PTCHD4: variants seen among roughly 807,000 people sequenced by gnomAD.
PTCHD4 encodes patched domain-containing protein 4.
Under a neutral mutation model 58.1 loss-of-function variants are expected in PTCHD4, and 33 were observed. The ratio of observed to expected loss-of-function variants is 0.57; its 90% CI spans 0.43 to 0.76. The LOEUF (loss-of-function observed/expected upper bound fraction) is 0.76. PTCHD4 is among the 30% of genes least tolerant of loss of function. The pLI is 0.00. For missense variants in PTCHD4, 1,058 were observed against 1,027.1 expected (o/e 1.03, Z -0.41); for synonymous variants, 478 against 409.6 (o/e 1.17, Z -2.02).
chr6:47,940,142 C>T (rs1766156414), intron 4 of PTCHD4, among the ~76,000 whole-genome samples: 1 of 152,098 alleles, frequency 6.6e-6, no homozygotes, highest in Admixed American at 6.5e-5. Context: ...GATTTAACCA[C>T]AGCCTTTTTG....
In PTCHD4 at chr6:47,912,011, T is replaced by A. The variant is rs73736300; in HGVS notation, c.899-32075A>T. 5.7e-3 allele frequency among the ~76,000 whole-genome samples: 871 copies of A among 151,826 alleles called. 9 individuals are homozygous for A. The highest frequency in any genetic ancestry group is 0.02 in the African/African-American group (839 of 41,416). On this transcript the variant is annotated intron_variant, in intron 4 of 4. Coordinates refer to ENST00000339488, the MANE Select transcript of PTCHD4 (RefSeq NM_001384253.1). ...ATTGGAAGAATGTGGCAACAAGGAG[T>A]CAAGTGACACAAGTGTTTCAAGTGG... is the stretch of plus-strand genomic sequence containing the variant.
chr6:47,923,444 A>G (rs1472605047), intron 4 of PTCHD4, among the ~76,000 whole-genome samples: 1 of 152,192 alleles, frequency 6.6e-6, no homozygotes, highest in East Asian at 1.9e-4. Flanking sequence ...TTGTTTTTCC[A>G]GAGTCCTTAC....
In PTCHD4 at chr6:47,878,241, T is replaced by C. The variant is rs1763899347; in HGVS notation, c.*62A>G. 1 of 1,459,464 alleles carries C rather than the reference T, an allele frequency of 6.9e-7. No individual in the cohort carries two copies. The highest frequency in any genetic ancestry group is 2.2e-5 in the Admixed American group (1 of 44,954). The allele number at this position is 1,459,464 out of a possible 1,614,324, so 90.4% of individuals were successfully genotyped here. On this transcript the variant is annotated 3_prime_UTR_variant, in exon 5 of 5. Coordinates refer to ENST00000339488, the MANE Select transcript of PTCHD4 (RefSeq NM_001384253.1). ...AGCCCAAGCAGCTGAGGTCTGAGCTTTACTTGCCCTGCATCATTGTGCAAT... is the reference window on the plus strand; with the variant it reads ...AGCCCAAGCAGCTGAGGTCTGAGCTCTACTTGCCCTGCATCATTGTGCAAT...
At chr6:48,029,472 T>A (rs1763362312) in intron 3 of PTCHD4, among the ~76,000 whole-genome samples, 1 of 152,068 alleles carries the variant, frequency 6.6e-6, no homozygotes, top group African/African-American at 2.4e-5. Flanking sequence ...CTGAAAGAAC[T>A]GATGAGGACA....
At chr6:48,100,134 G>T (rs544236167) in intron 1 of PTCHD4, among the ~76,000 whole-genome samples, 55 of 152,242 alleles carry the variant, frequency 3.6e-4, no homozygotes, top group African/African-American at 1.3e-3. Context: ...CATGGTAGGT[G>T]GATGTGAGTG....
In PTCHD4 at chr6:47,872,655, G is replaced by C. The variant is rs1328980; in HGVS notation, c.*5648C>G. Among the ~76,000 whole-genome samples the C allele has an allele frequency of 0.67, 100,885 of 151,356 alleles. 34,113 individuals are homozygous for C. Among genetic ancestry groups the C allele is most frequent in the East Asian group, 0.78 (3,994 of 5,112 alleles). ...AACTGGGGAAAAATAGTAGAAGCTG[G>C]CTTTCTATAATTTAAGATAGTGCAA... On this transcript the variant is annotated 3_prime_UTR_variant, in exon 5 of 5. Transcript: ENST00000339488.
chr6:48,106,493 T>C (rs1765727126), intron 1 of PTCHD4, among the ~76,000 whole-genome samples: 1 of 152,142 alleles, frequency 6.6e-6, no homozygotes, highest in Admixed American at 6.5e-5. Context: ...ACAGCCAATA[T>C]CATACTGAAT....
chr6:47,921,507 C>T (rs191879548), intron 4 of PTCHD4, among the ~76,000 whole-genome samples: 1 of 152,180 alleles, frequency 6.6e-6, no homozygotes, highest in Non-Finnish European at 1.5e-5. Context: ...TTCTCACTCT[C>T]TTTTGCAGCT....
At chr6:47,884,196 G>T (rs180902072) in intron 4 of PTCHD4, among the ~76,000 whole-genome samples, 1 of 152,072 alleles carries the variant, frequency 6.6e-6, no homozygotes, top group East Asian at 1.9e-4. Flanking sequence ...CAAAGAACTG[G>T]ATTGCTACCA....
At position 47,862,622 on chromosome 6, in the gene PTCHD4, T is replaced by C. The variant is rs1300383062; in HGVS notation, c.*15681A>G. On this transcript the variant is annotated 3_prime_UTR_variant, in exon 5 of 5. Transcript: ENST00000339488. ...TTGTACTGGGACAGAAGGGAAAAAT[T>C]AGTTCTGTGTTATTTTAATTGAAAT... Among the ~76,000 whole-genome samples, 1 of 151,870 alleles carries C rather than the reference T, an allele frequency of 6.6e-6. No individual in the cohort carries two copies. Among genetic ancestry groups the C allele is most frequent in the African/African-American group, 2.4e-5 (1 of 41,430 alleles).
intron 4 of PTCHD4, among the ~76,000 whole-genome samples, chr6:47,965,094 T>C (rs1467154938): frequency 6.6e-6 from 1 of 152,216 alleles, no homozygotes; most frequent in Non-Finnish European, 1.5e-5. Context: ...ATTTACTCTT[T>C]ATTTTTCCTC....
chr6:47,913,431 C>A (rs1765130189), intron 4 of PTCHD4, among the ~76,000 whole-genome samples: 1 of 151,956 alleles, frequency 6.6e-6, no homozygotes, highest in South Asian at 2.1e-4. Context: ...GAAACTGAAG[C>A]AATGTGTTTC....
intron 4 of PTCHD4, among the ~76,000 whole-genome samples, chr6:47,906,669 G>A (rs965984402): frequency 6.6e-6 from 1 of 152,116 alleles, no homozygotes; most frequent in Admixed American, 6.6e-5. Flanking sequence ...CTTCTACCCA[G>A]GATAAAATCT....
rs397757238 is a variant in PTCHD4, at chr6:47,862,249, T to TA, written c.*16053dup. 6.6e-6 allele frequency among the ~76,000 whole-genome samples: 1 copy of TA among 151,350 alleles called. No individual in the cohort carries two copies. Among genetic ancestry groups the TA allele is most frequent in the African/African-American group, 2.4e-5 (1 of 41,256 alleles). ...TTTTGTTGCATTATGGCTTTTTTTT[T>TA]AATATCTTGGGTCTGGCGTATATCA... is the stretch of plus-strand genomic sequence containing the variant. On this transcript the variant is annotated 3_prime_UTR_variant, in exon 5 of 5. Coordinates refer to ENST00000339488, the MANE Select transcript of PTCHD4 (RefSeq NM_001384253.1).
At chr6:47,945,233 C>A (rs1318458158) in intron 4 of PTCHD4, among the ~76,000 whole-genome samples, 2 of 151,966 alleles carry the variant, frequency 1.3e-5, no homozygotes, top group African/African-American at 2.4e-5. Context: ...CAAGAATTCG[C>A]CTGGTTTACT....
chr6:47,867,268 C>T lies in PTCHD4; in HGVS notation c.*11035G>A, dbSNP rs548005197. Among the ~76,000 whole-genome samples, 23 of 151,834 alleles carry T rather than the reference C, an allele frequency of 1.5e-4. No individual in the cohort carries two copies. In the South Asian group the frequency reaches 3.5e-3, roughly 23 times the overall value. On this transcript the variant is annotated 3_prime_UTR_variant, in exon 5 of 5. Coordinates refer to ENST00000339488, the MANE Select transcript of PTCHD4 (RefSeq NM_001384253.1). ...GAGGGCTTTTGTGCCAGAACGTGGA[C>T]GGTGTTCCATCATCAGGAGAATCAA...
At chr6:47,910,839 T>C (rs911482152) in intron 4 of PTCHD4, among the ~76,000 whole-genome samples, 4 of 152,152 alleles carry the variant, frequency 2.6e-5, no homozygotes, top group African/African-American at 4.8e-5. Context: ...GTTATAAACA[T>C]TTTTAGTTAA....
At chr6:47,901,781 G>A (rs867519037) in intron 4 of PTCHD4, 240 of 1,240,724 alleles carry the variant, frequency 1.9e-4, no homozygotes, top group Non-Finnish European at 2.4e-4. Context: ...TGATGATGAC[G>A]ATGATGATGA....
At chr6:47,965,304 C>G (rs529314367) in intron 4 of PTCHD4, among the ~76,000 whole-genome samples, 1 of 152,068 alleles carries the variant, frequency 6.6e-6, no homozygotes, top group African/African-American at 2.4e-5. Context: ...GACAAAGTTG[C>G]GAAAATATCA....
Sources: allele counts gnomAD v4.1 joint callset (sites outside exome capture counted in the v4.1 genomes callset), GRCh38; gene constraint gnomAD v4.1.1; transcripts MANE v1.5; gene names NCBI Gene and HGNC (gene_info 2026-07-23, HGNC 2026-07-21).